The following IL1RAPL1 variants were observed in gnomAD, a reference collection of about 807,000 sequenced individuals.
IL1RAPL1 encodes the protein interleukin-1 receptor accessory protein-like 1.
Under a neutral mutation model 48.4 loss-of-function variants are expected in IL1RAPL1, and 3 were observed. The ratio of observed to expected loss-of-function variants is 0.06; its 90% confidence interval spans 0.03 to 0.16. The LOEUF is 0.16. IL1RAPL1 is among the 10% of genes least tolerant of loss of function. The probability of loss-of-function intolerance (pLI) is 1.00; values close to 1 mark genes in which losing one functional copy is unlikely to be tolerated. For missense variants in IL1RAPL1, 349 were observed against 530.6 expected (o/e 0.66, Z 3.36); for synonymous variants, 185 against 187.7 (o/e 0.99, Z 0.12).
intron 2 of IL1RAPL1, among the ~76,000 whole-genome samples, chrX:29,002,270 A>G (rs1925873269): frequency 9.0e-6 from 1 of 111,310 alleles, no homozygotes; most frequent in Admixed American, 9.6e-5. Flanking sequence ...GCTTATAATC[A>G]TAATCAAAAG....
chrX:29,865,188 G>A (rs1931664967), intron 6 of IL1RAPL1, among the ~76,000 whole-genome samples: 1 of 111,975 alleles, frequency 8.9e-6, no homozygotes, highest in African/African-American at 3.2e-5. Context: ...CATCTCTATT[G>A]CACTCTGTGA....
intron 6 of IL1RAPL1, among the ~76,000 whole-genome samples, chrX:29,808,334 G>C (rs905521005): frequency 6.3e-5 from 7 of 111,079 alleles, no homozygotes; most frequent in Non-Finnish European, 1.3e-4. Context: ...TTTTGGATTT[G>C]GATTGTCTTT....
Position 29,575,621 on chromosome X carries a change from A to G in IL1RAPL1, c.704-92809A>G, listed in dbSNP as rs140098841. ...TCCTATTCCACTGACTAAAATGTCA[A>G]TCTCCTCTGGCAACACCCTCACAGA... On this transcript the variant is annotated intron_variant, in intron 5 of 10. Coordinates refer to ENST00000378993, the MANE Select transcript of IL1RAPL1 (RefSeq NM_014271.4). Among the ~76,000 whole-genome samples, 546 of 111,948 alleles carry G rather than the reference A, an allele frequency of 4.9e-3. 2 individuals are homozygous for G. The highest frequency in any genetic ancestry group is 0.016 in the African/African-American group (508 of 30,793).
chrX:29,875,358 A>G (rs182440119), intron 6 of IL1RAPL1, among the ~76,000 whole-genome samples: 105 of 111,990 alleles, frequency 9.4e-4, no homozygotes, highest in African/African-American at 3.3e-3. Context: ...TGCACATTGG[A>G]TATGGTTGAG....
chrX:29,485,706 T>G (rs757225646), intron 5 of IL1RAPL1, among the ~76,000 whole-genome samples: 4 of 111,843 alleles, frequency 3.6e-5, no homozygotes, highest in Non-Finnish European at 1.9e-5. Flanking sequence ...AATTAACCCT[T>G]GCAATTTACG....
At chrX:28,740,394 T>C (rs1935892874) in intron 1 of IL1RAPL1, among the ~76,000 whole-genome samples, 1 of 112,269 alleles carries the variant, frequency 8.9e-6, no homozygotes, top group Admixed American at 9.5e-5. Context: ...TCTGAATCTT[T>C]CACTAATAGG....
intron 6 of IL1RAPL1, among the ~76,000 whole-genome samples, chrX:29,784,796 A>G (rs1158131606): frequency 9.0e-6 from 1 of 111,511 alleles, no homozygotes; most frequent in African/African-American, 3.3e-5. Context: ...TATCCATTTT[A>G]AAAGCAAATG....
intron 2 of IL1RAPL1, among the ~76,000 whole-genome samples, chrX:28,938,963 C>T (rs1371130752): frequency 9.2e-6 from 1 of 108,914 alleles, no homozygotes; most frequent in Non-Finnish European, 1.9e-5. Flanking sequence ...AAATCAAAAC[C>T]ACAATGAGAT....
rs149743512 is a variant in IL1RAPL1 at position 29,472,203 on chromosome X, A to G, written c.703+72895A>G. ...ACCTATATCTCACAGCTCTAATTTGACACTGTAGTGTAGACCATGTCCTGT... is the reference window on the plus strand; with the variant it reads ...ACCTATATCTCACAGCTCTAATTTGGCACTGTAGTGTAGACCATGTCCTGT... On this transcript the variant is annotated intron_variant, in intron 5 of 10. Transcript: ENST00000378993. Among the ~76,000 whole-genome samples the G allele has an allele frequency of 9.0e-5, 10 of 111,681 alleles. No individual in the cohort carries two copies. In the East Asian group the frequency reaches 2.8e-3, roughly 32 times the overall value.
At chrX:29,380,906 A>C (rs1157145792) in intron 3 of IL1RAPL1, among the ~76,000 whole-genome samples, 1 of 112,201 alleles carries the variant, frequency 8.9e-6, no homozygotes, top group Non-Finnish European at 1.9e-5. Context: ...GAAGAATGGG[A>C]GTAAATAGTA....
intron 5 of IL1RAPL1, among the ~76,000 whole-genome samples, chrX:29,539,066 C>T (rs748433948): frequency 1.8e-5 from 2 of 111,408 alleles, no homozygotes; most frequent in East Asian, 5.7e-4. Context: ...AAGCAAGCAT[C>T]ATCCTGATAC....
intron 1 of IL1RAPL1, among the ~76,000 whole-genome samples, chrX:28,699,768 A>G (rs1935274385): frequency 8.9e-6 from 1 of 112,219 alleles, no homozygotes; most frequent in Non-Finnish European, 1.9e-5. Flanking sequence ...GTTGCCATCA[A>G]CTGTTGATGA....
At chrX:28,700,098 C>T (rs1474540061) in intron 1 of IL1RAPL1, among the ~76,000 whole-genome samples, 1 of 110,578 alleles carries the variant, frequency 9.0e-6, no homozygotes, top group Non-Finnish European at 1.9e-5. Flanking sequence ...CTAAGCTCAA[C>T]CATTTTGAAA....
intron 5 of IL1RAPL1, among the ~76,000 whole-genome samples, chrX:29,407,494 C>G (rs1018786386): frequency 2.7e-5 from 3 of 111,653 alleles, no homozygotes; most frequent in Non-Finnish European, 5.6e-5. Flanking sequence ...TATGATATTC[C>G]ATTATATGAA....
chrX:29,057,802 T>C (rs921681691), intron 2 of IL1RAPL1, among the ~76,000 whole-genome samples: 1 of 111,796 alleles, frequency 8.9e-6, no homozygotes, highest in Admixed American at 9.6e-5. Context: ...CAGAATGGCA[T>C]AGATCTGAGT....
intron 5 of IL1RAPL1, among the ~76,000 whole-genome samples, chrX:29,452,444 G>A (rs1934689731): frequency 9.0e-6 from 1 of 111,673 alleles, no homozygotes; most frequent in Non-Finnish European, 1.9e-5. Context: ...CATTGCCAGG[G>A]AATATATTTC....
intron 2 of IL1RAPL1, among the ~76,000 whole-genome samples, chrX:29,095,902 C>G (rs1928203631): frequency 9.1e-6 from 1 of 110,207 alleles, no homozygotes; most frequent in Non-Finnish European, 1.9e-5. Flanking sequence ...CAAATAAAAT[C>G]CAAAAATCCT....
intron 3 of IL1RAPL1, among the ~76,000 whole-genome samples, chrX:29,378,452 T>C (rs1043648864): frequency 1.8e-5 from 2 of 112,082 alleles, no homozygotes; most frequent in East Asian, 2.8e-4. Flanking sequence ...CTCTGGCTTT[T>C]TAAGTTGCTA....
chrX:29,407,837 C>T (rs1934093713), intron 5 of IL1RAPL1, among the ~76,000 whole-genome samples: 1 of 112,076 alleles, frequency 8.9e-6, no homozygotes, highest in Admixed American at 9.5e-5. Flanking sequence ...CATAAAAAGC[C>T]ATTTTCTACT....
Sources: gnomAD v4.1 joint callset for allele counts (sites outside exome capture counted in the v4.1 genomes callset) on GRCh38, gnomAD v4.1.1 for gene constraint, MANE v1.5 for transcripts, NCBI Gene and HGNC (gene_info 2026-07-23, HGNC 2026-07-21) for gene names.